The following MRPS6 variants were observed in gnomAD, a reference collection of about 807,000 sequenced individuals.
MRPS6 encodes the protein small ribosomal subunit protein bS6m.
In MRPS6, 6 loss-of-function variants were observed where a neutral mutation model predicts 13.1. The ratio of observed to expected loss-of-function variants is 0.46; its 90% CI spans 0.25 to 0.91. The LOEUF is 0.91. MRPS6 is among the 40% of genes least tolerant of loss of function. MRPS6 has a pLI of 0.18. For missense variants in MRPS6, 164 were observed against 155.6 expected (o/e 1.05, Z -0.29); for synonymous variants, 61 against 56.5 (o/e 1.08, Z -0.36).
At chr21:34,116,700 C>G (rs1452441743) in intron 1 of MRPS6, among the ~76,000 whole-genome samples, 5 of 151,988 alleles carry the variant, frequency 3.3e-5, no homozygotes, top group Non-Finnish European at 7.4e-5. Context: ...CAGAGCAGCC[C>G]CAAGAAGCTG....
At chr21:34,127,674 T>A (rs1038241847) in intron 2 of MRPS6, among the ~76,000 whole-genome samples, 5 of 152,230 alleles carry the variant, frequency 3.3e-5, no homozygotes, top group Admixed American at 6.5e-5. Flanking sequence ...AGCTTAAGGT[T>A]AGTCTGATAT....
chr21:34,104,335 A>G (rs1005468063), intron 1 of MRPS6: 1 of 998,874 alleles, frequency 1.0e-6, no homozygotes, highest in African/African-American at 1.7e-5. Context: ...AAGAAAACGT[A>G]TGTTCTTCTA....
At chr21:34,097,553 C>A (rs4817618) in intron 1 of MRPS6, 1,363,869 of 1,363,872 alleles carry the variant, frequency 1, 681,933 homozygotes, top group Middle Eastern at 1. Flanking sequence ...TAAGTGAAGC[C>A]AAACCTAACA....
Position 34,134,110 on chromosome 21 carries a change from G to A in MRPS6, c.186-8298G>A, listed in dbSNP as rs1980603159. Among the ~76,000 whole-genome samples, 4 of 152,190 alleles carry A rather than the reference G, an allele frequency of 2.6e-5. No homozygotes were observed. The South Asian group carries it at 8.3e-4, about 31-fold the overall frequency. Reference sequence around the variant, plus strand: ...GGTTGATCACACTATTTTAAGCTCTGTTCCAGAGCCTAACTCAAAGTAAGT... The same window carrying A: ...GGTTGATCACACTATTTTAAGCTCTATTCCAGAGCCTAACTCAAAGTAAGT... On this transcript the variant is annotated intron_variant, in intron 2 of 2. Coordinates refer to ENST00000399312, the MANE Select transcript of MRPS6 (RefSeq NM_032476.4).
At chr21:34,103,463 C>T (rs1299589233) in intron 1 of MRPS6, 1 of 998,330 alleles carries the variant, frequency 1.0e-6, no homozygotes, top group Admixed American at 6.2e-5. Flanking sequence ...TACTTATGTT[C>T]TGTGATCTTA....
chr21:34,130,582 T>C (rs1482282761), intron 2 of MRPS6, among the ~76,000 whole-genome samples: 1 of 152,160 alleles, frequency 6.6e-6, no homozygotes, highest in East Asian at 1.9e-4. Flanking sequence ...GTTTGGGCCA[T>C]GTAGTAGAGA....
intron 1 of MRPS6, among the ~76,000 whole-genome samples, chr21:34,116,846 A>T (rs963162574): frequency 6.6e-6 from 1 of 152,176 alleles, no homozygotes; most frequent in Admixed American, 6.5e-5. Flanking sequence ...GTTCCTGGTC[A>T]GCATAAGTAA....
chr21:34,099,383 A>G (rs192899685), intron 1 of MRPS6: 29 of 1,000,304 alleles, frequency 2.9e-5, no homozygotes, highest in Admixed American at 1.2e-4. Flanking sequence ...ATGGTTGTCA[A>G]TGTTTTGTCC....
intron 1 of MRPS6, chr21:34,102,519 T>G: frequency 1.0e-6 from 1 of 1,000,042 alleles, no homozygotes. Flanking sequence ...AAAAACTGTT[T>G]GGTATATCTG....
intron 2 of MRPS6, among the ~76,000 whole-genome samples, chr21:34,131,362 C>T (rs1196933444): frequency 1.3e-5 from 2 of 152,210 alleles, no homozygotes; most frequent in Non-Finnish European, 2.9e-5. Context: ...CCTCTTGATT[C>T]TCTCTTTTCC....
intron 2 of MRPS6, among the ~76,000 whole-genome samples, chr21:34,134,686 C>CT (rs1332558896): frequency 2.6e-5 from 4 of 152,256 alleles, no homozygotes; most frequent in Non-Finnish European, 5.9e-5. Context: ...AACCACTGAT[C>CT]TTTTTTCTTT....
chr21:34,137,634 A>G (rs1389682522), intron 2 of MRPS6, among the ~76,000 whole-genome samples: 1 of 152,214 alleles, frequency 6.6e-6, no homozygotes, highest in Non-Finnish European at 1.5e-5. Flanking sequence ...AGTGTTGAAT[A>G]GAAGTGACAG....
chr21:34,120,918 T>C (rs1393908179), intron 1 of MRPS6, among the ~76,000 whole-genome samples: 2 of 152,106 alleles, frequency 1.3e-5, no homozygotes, highest in African/African-American at 4.8e-5. Flanking sequence ...TCAAGTTATG[T>C]TAGAGATAGA....
intron 1 of MRPS6, chr21:34,122,379 C>T (rs1027585245): frequency 1.3e-5 from 2 of 152,134 alleles, no homozygotes; most frequent in Non-Finnish European, 2.9e-5. Context: ...TCGTTTTATA[C>T]TTCTGGGTGT....
chr21:34,103,451 G>A (rs919936019), intron 1 of MRPS6: 29 of 998,706 alleles, frequency 2.9e-5, no homozygotes, highest in Middle Eastern at 1.0e-3. Context: ...AAAACTTAAA[G>A]TTACTTATGT....
At chr21:34,084,566 C>G (rs1044082001) in intron 1 of MRPS6, among the ~76,000 whole-genome samples, 20 of 152,098 alleles carry the variant, frequency 1.3e-4, no homozygotes, top group African/African-American at 3.6e-4. Flanking sequence ...GATATATATA[C>G]ACACCTACAT....
intron 2 of MRPS6, among the ~76,000 whole-genome samples, chr21:34,127,072 C>G (rs56104906): frequency 0.01 from 1,566 of 152,296 alleles, 13 homozygotes; most frequent in Non-Finnish European, 0.016. Context: ...TGGGTTCCCC[C>G]CTGGCAAAGG....
chr21:34,083,978 G>A (rs1228669489), intron 1 of MRPS6, among the ~76,000 whole-genome samples: 1 of 152,142 alleles, frequency 6.6e-6, no homozygotes, highest in Non-Finnish European at 1.5e-5. Context: ...TACTTGTCCT[G>A]TGTTTGCAAT....
chr21:34,118,999 T>C (rs1195565231), intron 1 of MRPS6, among the ~76,000 whole-genome samples: 3 of 152,218 alleles, frequency 2.0e-5, no homozygotes, highest in African/African-American at 7.2e-5. Flanking sequence ...CATTTGAACA[T>C]GTACTTAGGC....
Sources: allele counts gnomAD v4.1 joint callset (sites outside exome capture counted in the v4.1 genomes callset), GRCh38; gene constraint gnomAD v4.1.1; transcripts MANE v1.5; gene names NCBI Gene and HGNC (gene_info 2026-07-23, HGNC 2026-07-21).